Variants in MAGI2 observed in about 807,000 individuals in gnomAD.
MAGI2 encodes membrane-associated guanylate kinase, WW and PDZ domain-containing protein 2.
A neutral mutation model predicts 133.3 loss-of-function variants in MAGI2; 35 were observed. That is an observed-to-expected ratio of 0.26 (90% CI 0.20 to 0.35). The LOEUF (loss-of-function observed/expected upper bound fraction) is 0.35. Ranked by LOEUF, MAGI2 falls within the 10% of genes least tolerant of loss-of-function variation. The pLI, the probability that MAGI2 is intolerant of heterozygous loss-of-function variation, is 1.00. For missense variants in MAGI2, 1,636 were observed against 1,863.4 expected (o/e 0.88, Z 2.25); for synonymous variants, 729 against 710.6 (o/e 1.03, Z -0.41).
At chr7:78,820,215 T>A (rs940852065) in intron 2 of MAGI2, among the ~76,000 whole-genome samples, 1 of 152,002 alleles carries the variant, frequency 6.6e-6, no homozygotes, top group Non-Finnish European at 1.5e-5. Context: ...TCAATTCTCA[T>A]TGGGTATAAT....
chr7:79,392,898 T>C (rs954705449), intron 1 of MAGI2, among the ~76,000 whole-genome samples: 14 of 152,194 alleles, frequency 9.2e-5, no homozygotes, highest in African/African-American at 3.4e-4. Context: ...CACCAATATG[T>C]ACTATAGGTG....
At chr7:78,315,016 A>G (rs1787259391) in intron 9 of MAGI2, among the ~76,000 whole-genome samples, 1 of 152,178 alleles carries the variant, frequency 6.6e-6, no homozygotes, top group Non-Finnish European at 1.5e-5. Flanking sequence ...TGGCTAGACC[A>G]ATATTTGTAA....
chr7:79,311,682 A>C (rs942248342), intron 1 of MAGI2, among the ~76,000 whole-genome samples: 1 of 152,096 alleles, frequency 6.6e-6, no homozygotes, highest in African/African-American at 2.4e-5. Flanking sequence ...ACCATTTCTC[A>C]TTAATGTCAG....
intron 2 of MAGI2, among the ~76,000 whole-genome samples, chr7:78,892,382 T>A (rs1796839237): frequency 1.3e-5 from 2 of 152,108 alleles, no homozygotes; most frequent in African/African-American, 4.8e-5. Flanking sequence ...AAAACTACTT[T>A]AAAGTTCATA....
intron 3 of MAGI2, among the ~76,000 whole-genome samples, chr7:78,540,010 G>A (rs375617225): frequency 6.6e-6 from 1 of 152,318 alleles, no homozygotes; most frequent in African/African-American, 2.4e-5. Context: ...GCTTGAGTTG[G>A]TTGGCCTCCA....
intron 1 of MAGI2, among the ~76,000 whole-genome samples, chr7:79,103,348 T>C (rs1263491543): frequency 1.3e-5 from 2 of 152,186 alleles, no homozygotes; most frequent in African/African-American, 2.4e-5. Context: ...TTCATTCTTG[T>C]AGCACACTTC....
At chr7:79,426,041 A>G (rs1186577305) in intron 1 of MAGI2, among the ~76,000 whole-genome samples, 1 of 152,228 alleles carries the variant, frequency 6.6e-6, no homozygotes, top group Non-Finnish European at 1.5e-5. Flanking sequence ...TCTTCGAAAC[A>G]TTATACGTAT....
intron 1 of MAGI2, among the ~76,000 whole-genome samples, chr7:79,222,795 T>A (rs1585242797): frequency 6.6e-6 from 1 of 152,238 alleles, no homozygotes; most frequent in Middle Eastern, 3.4e-3. Flanking sequence ...ACTATCTTAC[T>A]ATTATTTTCA....
chr7:79,129,181 G>T (rs1432330000), intron 1 of MAGI2, among the ~76,000 whole-genome samples: 2 of 152,100 alleles, frequency 1.3e-5, no homozygotes, highest in Non-Finnish European at 2.9e-5. Flanking sequence ...CCTCAAATGT[G>T]CTCAGAACAC....
At chr7:78,330,815 T>G (rs1789108496) in intron 9 of MAGI2, among the ~76,000 whole-genome samples, 3 of 152,048 alleles carry the variant, frequency 2.0e-5, no homozygotes, top group Non-Finnish European at 4.4e-5. Flanking sequence ...AATTTCCAAT[T>G]CAGCTGAGGG....
intron 1 of MAGI2, among the ~76,000 whole-genome samples, chr7:79,244,897 C>T (rs1832710251): frequency 6.6e-6 from 1 of 152,176 alleles, no homozygotes. Context: ...CTTTGTCTTA[C>T]AACTTGAGTA....
intron 1 of MAGI2, among the ~76,000 whole-genome samples, chr7:79,043,225 C>T (rs1811836301): frequency 6.6e-6 from 1 of 151,866 alleles, no homozygotes; most frequent in Non-Finnish European, 1.5e-5. Context: ...AAAGAAATAA[C>T]CAAAGTCAGA....
intron 10 of MAGI2, among the ~76,000 whole-genome samples, chr7:78,221,085 T>C (rs183823886): frequency 3.4e-4 from 52 of 152,346 alleles, no homozygotes; most frequent in African/African-American, 1.2e-3. Context: ...TAGCATGTCA[T>C]GAATTTCCTC....
At chr7:78,376,474 A>G (rs1161602870) in intron 6 of MAGI2, among the ~76,000 whole-genome samples, 1 of 152,120 alleles carries the variant, frequency 6.6e-6, no homozygotes, top group Non-Finnish European at 1.5e-5. Context: ...CATATTATCA[A>G]GTAGAGTTAA....
intron 2 of MAGI2, among the ~76,000 whole-genome samples, chr7:78,721,706 G>C (rs1820285068): frequency 6.6e-6 from 1 of 151,956 alleles, no homozygotes; most frequent in African/African-American, 2.4e-5. Flanking sequence ...CTAAGAAACT[G>C]ATTATATCAA....
chr7:79,345,742 T>G (rs1240427456), intron 1 of MAGI2, among the ~76,000 whole-genome samples: 3 of 152,174 alleles, frequency 2.0e-5, no homozygotes, highest in Non-Finnish European at 2.9e-5. Context: ...AAATCACTTC[T>G]TGGTTCTAAG....
At chr7:78,955,025 T>C (rs1802176593) in intron 2 of MAGI2, among the ~76,000 whole-genome samples, 1 of 152,078 alleles carries the variant, frequency 6.6e-6, no homozygotes, top group Admixed American at 6.6e-5. Flanking sequence ...AATGAGACTC[T>C]ATAAAGAAGT....
At chr7:79,324,078 G>T (rs1839407369) in intron 1 of MAGI2, among the ~76,000 whole-genome samples, 2 of 152,008 alleles carry the variant, frequency 1.3e-5, no homozygotes, top group Admixed American at 1.3e-4. Context: ...TTACAGCAAA[G>T]CACTGTTATT....
rs146413637 is a variant in MAGI2, at chr7:78,689,849, T to A, written c.419-62610A>T. 9.2e-5 allele frequency among the ~76,000 whole-genome samples: 14 copies of A among 152,248 alleles called. No individual in the cohort carries two copies. In the East Asian group the frequency reaches 2.7e-3, roughly 29 times the overall value. On this transcript the variant is annotated intron_variant, in intron 2 of 21. Coordinates refer to ENST00000354212, the MANE Select transcript of MAGI2 (RefSeq NM_012301.4). Reference sequence around the variant, plus strand: ...TTGTTGTATTTGTGTTGTTTCCAGTTTGGGGCTCTTAGGATTAGAGCTGTT... The same window carrying A: ...TTGTTGTATTTGTGTTGTTTCCAGTATGGGGCTCTTAGGATTAGAGCTGTT...
Sources: allele counts gnomAD v4.1 joint callset (sites outside exome capture counted in the v4.1 genomes callset), GRCh38; gene constraint gnomAD v4.1.1; transcripts MANE v1.5; gene names NCBI Gene and HGNC (gene_info 2026-07-23, HGNC 2026-07-21).